TSGA13: variants seen among roughly 807,000 people sequenced by gnomAD.
TSGA13 encodes the protein testis-specific gene 13 protein.
Under a neutral mutation model 35.1 loss-of-function variants are expected in TSGA13, and 37 were observed. The ratio of observed to expected loss-of-function variants is 1.05; its 90% CI spans 0.81 to 1.39. The LOEUF is 1.39. Among genes scored for constraint, TSGA13 ranks in the 40% most tolerant of loss-of-function variants. TSGA13 has a pLI of 0.00. For missense variants in TSGA13, 338 were observed against 328.5 expected (o/e 1.03, Z -0.22); for synonymous variants, 124 against 121.2 (o/e 1.02, Z -0.15).
intron 5 of TSGA13, among the ~76,000 whole-genome samples, chr7:130,677,625 A>G (rs868937240): frequency 1.3e-4 from 20 of 152,054 alleles, no homozygotes; most frequent in African/African-American, 4.6e-4. Flanking sequence ...GGGTTTCACC[A>G]TGTTGGCCAA....
At chr7:130,682,400 G>C (rs374036011) in intron 3 of TSGA13, among the ~76,000 whole-genome samples, 4 of 151,724 alleles carry the variant, frequency 2.6e-5, no homozygotes, top group African/African-American at 9.7e-5. Flanking sequence ...GATTACAGGC[G>C]TGAGCTACCA....
chr7:130,674,843 A>G (rs906525576), intron 5 of TSGA13, among the ~76,000 whole-genome samples: 1 of 152,156 alleles, frequency 6.6e-6, no homozygotes. Context: ...AAGCTCTTGT[A>G]TTAGGATGGT....
At position 130,668,869 on chromosome 7, in the gene TSGA13, C is replaced by T. The variant is rs1022800422; in HGVS notation, c.*145G>A. On this transcript the variant is annotated 3_prime_UTR_variant, in exon 8 of 8. Transcript: ENST00000356588. ...CACGCCCCCTTCTCCTCTTGCGGCC[C>T]GCCGGAGACTTCGGCTCGACCCTCC... 4 of 1,380,366 alleles carry T rather than the reference C, an allele frequency of 2.9e-6. No homozygotes were observed. The highest frequency in any genetic ancestry group is 1.5e-5 in the African/African-American group (1 of 67,232). The allele number at this position is 1,380,366 out of a possible 1,614,324, so 85.5% of individuals were successfully genotyped here. A position where few individuals can be genotyped will look rare whatever the true frequency, so the allele number is the denominator to read the frequency against.
At chr7:130,676,262 T>G (rs1563079389) in intron 5 of TSGA13, among the ~76,000 whole-genome samples, 1 of 152,236 alleles carries the variant, frequency 6.6e-6, no homozygotes, top group Admixed American at 6.5e-5. Flanking sequence ...GTTTCAATCT[T>G]CTTGGGCTTG....
chr7:130,676,895 TC>T (rs1796423871), intron 5 of TSGA13, among the ~76,000 whole-genome samples: 1 of 151,792 alleles, frequency 6.6e-6, no homozygotes, highest in Admixed American at 6.6e-5. Flanking sequence ...AGATTTTGAT[TC>T]TTTTTTTTTT....
chr7:130,679,424 A>C, intron 4 of TSGA13, 57 bp from the exon 5 acceptor site: 1 of 1,484,282 alleles, frequency 6.7e-7, no homozygotes, highest in Non-Finnish European at 9.1e-7. Flanking sequence ...GAGCAGGTTA[A>C]CAAATCGGTT....
chr7:130,679,384 G>A lies in TSGA13; in HGVS notation c.175-17C>T, dbSNP rs782168904. On this transcript the variant is annotated splice_polypyrimidine_tract_variant and intron_variant, in intron 4 of 7. Transcript: ENST00000356588. ...GTACTGGGCCTGAACAGACAGAAAG[G>A]TTTCCAGAGAGAAAAAGAGATTAGG... 2 of 1,589,332 alleles carry A rather than the reference G, an allele frequency of 1.3e-6. No individual in the cohort carries two copies. The highest frequency in any genetic ancestry group is 1.7e-6 in the Non-Finnish European group (2 of 1,166,882).
chr7:130,679,125 C>T, intron 5 of TSGA13, 30 bp downstream of exon 5: 1 of 1,571,828 alleles, frequency 6.4e-7, no homozygotes, highest in Non-Finnish European at 8.8e-7. Context: ...TCAGGGTTCA[C>T]ATTTTGGGTG....
chr7:130,673,239 G>T (rs1554463644), intron 5 of TSGA13, among the ~76,000 whole-genome samples: 1 of 152,172 alleles, frequency 6.6e-6, no homozygotes, highest in Non-Finnish European at 1.5e-5. Context: ...ATAGATCCAT[G>T]GGACTTTACC....
chr7:130,673,103 C>A (rs1796320766), intron 5 of TSGA13, among the ~76,000 whole-genome samples: 2 of 152,162 alleles, frequency 1.3e-5, no homozygotes, highest in African/African-American at 2.4e-5. Context: ...GTTCAGTTTC[C>A]TAAGTAATTG....
chr7:130,685,048 A>G, intron 2 of TSGA13, 140 bp downstream of exon 2: 1 of 921,804 alleles, frequency 1.1e-6, no homozygotes, highest in South Asian at 1.8e-5. Flanking sequence ...CCGGTTTTTG[A>G]TCCAGGGACA....
At position 130,685,252 on chromosome 7, in the gene TSGA13, C is replaced by T; in HGVS notation, c.-42G>A. The stretch of plus-strand genomic sequence containing the variant: ...TTGGCCAACCCAAGGCAGGTATTCA[C>T]CCAAGGCCAAATTCAGGTCTCTAAA... On this transcript the variant is annotated 5_prime_UTR_variant, in exon 2 of 8. The change creates a new upstream start codon in the 5' untranslated region. Coordinates refer to ENST00000356588, the MANE Select transcript of TSGA13 (RefSeq NM_052933.4). The T allele has an allele frequency of 1.9e-6, 3 of 1,611,264 alleles. No individual in the cohort carries two copies. The highest frequency in any genetic ancestry group is 1.1e-5 in the South Asian group (1 of 90,988).
Position 130,672,714 on chromosome 7 carries a change from A to T in TSGA13, c.530+20T>A. ...AAAAGATAGGAAAGAAAGCAAGTACAAGAAGAAGCAAGATTTCACCTAAAC... is the reference window on the plus strand; with the variant it reads ...AAAAGATAGGAAAGAAAGCAAGTACTAGAAGAAGCAAGATTTCACCTAAAC... On this transcript the variant is annotated intron_variant, in intron 6 of 7. Coordinates refer to ENST00000356588, the MANE Select transcript of TSGA13 (RefSeq NM_052933.4). 1 of 1,609,228 alleles carries T rather than the reference A, an allele frequency of 6.2e-7. No individual in the cohort carries two copies. Among genetic ancestry groups the T allele is most frequent in the Non-Finnish European group, 8.5e-7 (1 of 1,177,686 alleles).
chr7:130,682,266 C>T (rs1796565915), intron 3 of TSGA13, among the ~76,000 whole-genome samples: 3 of 151,972 alleles, frequency 2.0e-5, no homozygotes, highest in African/African-American at 7.3e-5. Flanking sequence ...ATTACAGGCT[C>T]CCACCACCGC....
intron 2 of TSGA13, among the ~76,000 whole-genome samples, chr7:130,684,716 T>A (rs1796621860): frequency 6.6e-6 from 1 of 152,182 alleles, no homozygotes; most frequent in African/African-American, 2.4e-5. Flanking sequence ...TTAACTCAGG[T>A]CAGAGGTCTT....
intron 2 of TSGA13, among the ~76,000 whole-genome samples, chr7:130,684,039 A>G (rs1796605889): frequency 6.6e-6 from 1 of 152,242 alleles, no homozygotes; most frequent in South Asian, 2.1e-4. Flanking sequence ...ACCACCTACT[A>G]TTTTGAATAC....
chr7:130,685,673 A>G (rs1168407417), intron 1 of TSGA13, among the ~76,000 whole-genome samples: 2 of 152,238 alleles, frequency 1.3e-5, no homozygotes, highest in East Asian at 3.8e-4. Flanking sequence ...ATTAATTCAC[A>G]TATGTCCGTA....
Position 130,685,171 on chromosome 7 carries a change from C to A in TSGA13, c.23+17G>T, listed in dbSNP as rs782273468. 1 of 1,612,056 alleles carries A rather than the reference C, an allele frequency of 6.2e-7. No individual in the cohort carries two copies. The highest frequency in any genetic ancestry group is 1.1e-5 in the South Asian group (1 of 90,998). The stretch of plus-strand genomic sequence containing the variant: ...AAGTGGTGTTTATAACTTAGTTGGG[C>A]AAACAAGACTACATACTTGGTTTGT... On this transcript the variant is annotated intron_variant, in intron 2 of 7. Coordinates refer to ENST00000356588, the MANE Select transcript of TSGA13 (RefSeq NM_052933.4).
chr7:130,685,066 A>T, intron 2 of TSGA13, 122 bp downstream of exon 2: 1 of 1,031,140 alleles, frequency 9.7e-7, no homozygotes, highest in Non-Finnish European at 1.5e-6. Context: ...ACAATCAGTC[A>T]ATTAAAATAT....
Sources: gnomAD v4.1 joint callset for allele counts (sites outside exome capture counted in the v4.1 genomes callset) on GRCh38, gnomAD v4.1.1 for gene constraint, MANE v1.5 for transcripts, NCBI Gene and HGNC (gene_info 2026-07-23, HGNC 2026-07-21) for gene names.